The following RAB38 variants were observed in gnomAD, a reference collection of about 807,000 sequenced individuals.
RAB38 encodes the protein ras-related protein Rab-38.
In RAB38, 15 loss-of-function variants were observed where a neutral mutation model predicts 18.4. The ratio of observed to expected loss-of-function variants is 0.82; its 90% CI spans 0.55 to 1.26. The LOEUF (loss-of-function observed/expected upper bound fraction) is 1.26. Among genes scored for constraint, RAB38 ranks in the 50% most tolerant of loss-of-function variants. The pLI, the probability that RAB38 is intolerant of heterozygous loss-of-function variation, is 0.00. For missense variants in RAB38, 294 were observed against 267.4 expected (o/e 1.10, Z -0.69); for synonymous variants, 101 against 104.4 (o/e 0.97, Z 0.20).
At chr11:87,893,084 C>T in the RAB38 span, among the ~76,000 whole-genome samples, 3 of 151,338 alleles carry the variant, frequency 2.0e-5, no homozygotes, top group South Asian at 2.1e-4. Context: ...GTTGTTTCCA[C>T]GATGTTGATG....
chr11:88,124,179 G>T (rs1942663750), intron 2 of RAB38, among the ~76,000 whole-genome samples: 2 of 151,974 alleles, frequency 1.3e-5, no homozygotes, highest in African/African-American at 4.8e-5. Flanking sequence ...GATTGTCAAT[G>T]ATACTAGGCA....
At chr11:88,061,527 T>A in the RAB38 span, among the ~76,000 whole-genome samples, 2 of 152,324 alleles carry the variant, frequency 1.3e-5, no homozygotes, top group East Asian at 1.9e-4. Flanking sequence ...AATTGCAATA[T>A]GTATTTGCCT....
rs543872456 is a variant in RAB38 at position 88,141,397 on chromosome 11, C to T, written c.483+8278G>A. Reference sequence around the variant, plus strand: ...TGCCTTGCACAGTACACACACTCTTCCCTCCCAATCCCAGCTAAGAATTAT... The same window carrying T: ...TGCCTTGCACAGTACACACACTCTTTCCTCCCAATCCCAGCTAAGAATTAT... On this transcript the variant is annotated intron_variant, in intron 2 of 2. Transcript: ENST00000243662. Among the ~76,000 whole-genome samples, 3 of 152,286 alleles carry T rather than the reference C, an allele frequency of 2.0e-5. 1 individual carries two copies. Among genetic ancestry groups the T allele is most frequent in the South Asian group, 4.2e-4 (2 of 4,818 alleles).
At chr11:88,023,940 T>C in the RAB38 span, among the ~76,000 whole-genome samples, 1 of 152,270 alleles carries the variant, frequency 6.6e-6, no homozygotes, top group Middle Eastern at 3.4e-3. Flanking sequence ...ACTATGAAAC[T>C]TCTGTGAGAA....
At chr11:88,078,418 C>A in the RAB38 span, among the ~76,000 whole-genome samples, 1 of 151,272 alleles carries the variant, frequency 6.6e-6, no homozygotes, top group Non-Finnish European at 1.5e-5. Context: ...TCAGAATAGC[C>A]AAAATATGAA....
chr11:88,030,945 A>G, the RAB38 span, among the ~76,000 whole-genome samples: 6 of 151,486 alleles, frequency 4.0e-5, no homozygotes, highest in African/African-American at 1.5e-4. Flanking sequence ...TTTTAGACCA[A>G]TATCCTTGAT....
the RAB38 span, among the ~76,000 whole-genome samples, chr11:87,857,746 T>C: frequency 6.6e-6 from 1 of 152,220 alleles, no homozygotes; most frequent in African/African-American, 2.4e-5. Context: ...TTGAGTTCTT[T>C]GTAGATTCTG....
chr11:88,086,965 T>C, the RAB38 span, among the ~76,000 whole-genome samples: 1 of 143,060 alleles, frequency 7.0e-6, no homozygotes, highest in Non-Finnish European at 1.5e-5. Context: ...TGGACAATGC[T>C]ATGGGGACAA....
chr11:87,969,452 A>C, the RAB38 span, among the ~76,000 whole-genome samples: 7 of 152,174 alleles, frequency 4.6e-5, no homozygotes, highest in Non-Finnish European at 8.8e-5. Flanking sequence ...GCTCCATGGT[A>C]TAATAGCTGT....
chr11:88,098,852 CCAAA>C, the RAB38 span: 3 of 151,916 alleles, frequency 2.0e-5, no homozygotes, highest in African/African-American at 7.2e-5. Flanking sequence ...TACAGAAAAA[CCAAA>C]CAAACCCTAC....
chr11:87,953,300 A>G, the RAB38 span, among the ~76,000 whole-genome samples: 1 of 152,282 alleles, frequency 6.6e-6, no homozygotes, highest in East Asian at 1.9e-4. Context: ...TCAAGTAGTG[A>G]TGAATGTATA....
the RAB38 span, among the ~76,000 whole-genome samples, chr11:88,075,872 T>C: frequency 6.8e-6 from 1 of 147,822 alleles, no homozygotes; most frequent in Non-Finnish European, 1.5e-5. Context: ...TAGAGCAAGA[T>C]TTTGTCTCAA....
the RAB38 span, among the ~76,000 whole-genome samples, chr11:87,851,151 TATA>T: frequency 6.6e-6 from 1 of 152,240 alleles, no homozygotes; most frequent in African/African-American, 2.4e-5. Flanking sequence ...TTCAAATGAG[TATA>T]ATAATTAGAC....
the RAB38 span, among the ~76,000 whole-genome samples, chr11:88,050,827 T>C: frequency 7.9e-4 from 121 of 152,220 alleles, no homozygotes; most frequent in Middle Eastern, 3.4e-3. Context: ...GGCTCTGAAA[T>C]ATAATTAGTA....
the RAB38 span, chr11:88,098,536 A>T: frequency 6.6e-6 from 1 of 151,998 alleles, no homozygotes; most frequent in Admixed American, 6.6e-5. Context: ...AACACCAGTG[A>T]ACATTCTTGA....
At chr11:88,172,935 G>T (rs757130814) in intron 1 of RAB38, among the ~76,000 whole-genome samples, 7 of 152,198 alleles carry the variant, frequency 4.6e-5, no homozygotes, top group African/African-American at 1.2e-4. Flanking sequence ...GGAAAAACAA[G>T]CTCCTCTACT....
the RAB38 span, among the ~76,000 whole-genome samples, chr11:88,035,126 TA>T: frequency 6.6e-6 from 1 of 152,214 alleles, no homozygotes; most frequent in Admixed American, 6.5e-5. Context: ...CGTCATCTTG[TA>T]AACTCTCTCA....
chr11:87,873,900 A>G, the RAB38 span, among the ~76,000 whole-genome samples: 12 of 91,344 alleles, frequency 1.3e-4, no homozygotes, highest in Non-Finnish European at 2.3e-4. Context: ...GTGTATATAT[A>G]TATATATATG....
At chr11:87,836,229 T>A in the RAB38 span, among the ~76,000 whole-genome samples, 1 of 152,126 alleles carries the variant, frequency 6.6e-6, no homozygotes, top group South Asian at 2.1e-4. Flanking sequence ...CAATTTCACC[T>A]CTGAAACACT....
Sources: gnomAD v4.1 joint callset for allele counts (sites outside exome capture counted in the v4.1 genomes callset) on GRCh38, gnomAD v4.1.1 for gene constraint, MANE v1.5 for transcripts, NCBI Gene and HGNC (gene_info 2026-07-23, HGNC 2026-07-21) for gene names.